TRMT5: variants seen among roughly 807,000 people sequenced by gnomAD.
The protein encoded by TRMT5 is tRNA (guanine(37)-N(1))-methyltransferase.
In TRMT5, 31 loss-of-function variants were observed where a neutral mutation model predicts 42.2. The ratio of observed to expected loss-of-function variants is 0.73; its 90% confidence interval spans 0.55 to 0.99. The LOEUF (loss-of-function observed/expected upper bound fraction) is 0.99. Among genes scored for constraint, TRMT5 ranks in the 50% least tolerant of loss-of-function variants. The pLI is 0.00. For missense variants in TRMT5, 568 were observed against 595.0 expected, an observed-to-expected ratio of 0.95 and a Z score of 0.47; for synonymous variants, 198 against 209.6, an observed-to-expected ratio of 0.94 and a Z score of 0.48.
chr14:60,981,644 G>C (rs1194229899), upstream of TRMT5: 1 of 1,443,510 alleles, frequency 6.9e-7, no homozygotes, highest in South Asian at 1.2e-5. Flanking sequence ...TGGAAGCTGC[G>C]AACATGATGG....
intron 3 of TRMT5, 117 bp downstream of exon 3, chr14:60,977,397 T>C: frequency 9.9e-7 from 1 of 1,009,744 alleles, no homozygotes; most frequent in Non-Finnish European, 1.4e-6. Context: ...ACATAAGTGA[T>C]CACATTCTCA....
chr14:60,975,435 A>T, intron 4 of TRMT5, 40 bp downstream of exon 4: 5 of 1,582,474 alleles, frequency 3.2e-6, no homozygotes, highest in Non-Finnish European at 4.3e-6. Context: ...GTTACAATTG[A>T]ATGGCAAGGT....
chr14:60,980,991 C>T lies in TRMT5; in HGVS notation c.-18G>A. 2 of 1,611,308 alleles carry T rather than the reference C, an allele frequency of 1.2e-6. No individual in the cohort carries two copies. The highest frequency in any genetic ancestry group is 1.3e-5 in the African/African-American group (1 of 75,068). On this transcript the variant is annotated 5_prime_UTR_variant, in exon 1 of 5. Coordinates refer to ENST00000261249, the MANE Select transcript of TRMT5 (RefSeq NM_020810.3). ...AGCACCATTCCAATTCCCCACGTCG[C>T]TCTGCAGCTGGATCCGCGAGCCGAC... is the stretch of plus-strand genomic sequence containing the variant.
chr14:60,979,676 T>A lies in TRMT5; in HGVS notation c.222A>T (p.Ser74=), dbSNP rs372936436. The change falls in exon 2 of 5, where the codon TCA becomes TCT. Residue 74 remains serine (S), a synonymous_variant. Coordinates refer to ENST00000261249, the MANE Select transcript of TRMT5 (RefSeq NM_020810.3). ...TCATGCCTCGGACATCAGAAGGTGG[T>A]GAAAACAATTCAGTCTCTCTCTCAT... The part of the protein sequence containing the change: ...ETHERETELF[S]PPSDVRGMTK... 1 of 1,614,188 alleles carries A rather than the reference T, an allele frequency of 6.2e-7. No homozygotes were observed. The highest frequency in any genetic ancestry group is 1.3e-5 in the African/African-American group (1 of 75,052).
At chr14:60,979,955 C>T in intron 1 of TRMT5, 69 bp from the exon 2 acceptor site, 1 of 1,452,456 alleles carries the variant, frequency 6.9e-7, no homozygotes, top group Non-Finnish European at 9.1e-7. Context: ...TCTACTATCT[C>T]AAATAACGGG....
intron 1 of TRMT5, 76 bp downstream of exon 1, chr14:60,980,887 C>T: frequency 6.2e-7 from 1 of 1,606,488 alleles, no homozygotes; most frequent in Middle Eastern, 1.7e-4. Flanking sequence ...GCCCAGGCAG[C>T]ACATGGCAGA....
Position 60,972,797 on chromosome 14 carries a change from A to AT in TRMT5, c.*2311dup, listed in dbSNP as rs144909865. On this transcript the variant is annotated 3_prime_UTR_variant, in exon 5 of 5. Transcript: ENST00000261249. ...ATTTCATCTTTAAAAATGTCTTCTC[A>AT]TACAGATAGGTATTGCCAAATACTG... is the stretch of plus-strand genomic sequence containing the variant. 1.1e-3 allele frequency: 192 copies of AT among 176,594 alleles called. 1 individual carries two copies. In the East Asian group the frequency reaches 0.024, roughly 22 times the overall value. The allele number at this position is 176,594 out of a possible 1,614,324, so 10.9% of individuals were successfully genotyped here.
At chr14:60,981,222 G>T (rs149521232), upstream of TRMT5, 5,180 of 1,555,722 alleles carry the variant, frequency 3.3e-3, 11 homozygotes, top group Middle Eastern at 8.6e-3. Flanking sequence ...GACGACTGGA[G>T]CGCAGGGCAG....
chr14:60,981,162 G>T, upstream of TRMT5: 1 of 1,537,818 alleles, frequency 6.5e-7, no homozygotes. Flanking sequence ...CCCTGGTGAA[G>T]TACGGAATGC....
rs772546731 is a variant in TRMT5, at chr14:60,975,615, G to A, written c.1304C>T (p.Ala435Val). 1 of 1,614,134 alleles carries A rather than the reference G, an allele frequency of 6.2e-7. No homozygotes were observed. Among genetic ancestry groups the A allele is most frequent in the South Asian group, 1.1e-5 (1 of 91,082 alleles). Residue 435 changes from alanine (A) to valine (V), a missense_variant, in exon 4 of 5, where the codon GCT becomes GTT. Transcript: ENST00000261249. ...CAGAGAAATGCCTAACACAGCTCCA[G>A]CCCTTTGCCGAACATCCTCAGCAGG... ...ANPAEDVRQR[A>V]GAVLGISLEA...
intron 2 of TRMT5, among the ~76,000 whole-genome samples, chr14:60,978,157 TAC>T (rs1313376314): frequency 3.3e-5 from 5 of 152,198 alleles, no homozygotes; most frequent in Non-Finnish European, 5.9e-5. Context: ...ATAGATTATT[TAC>T]AGTCCTATCT....
upstream of TRMT5, chr14:60,981,477 A>G: frequency 1.9e-6 from 3 of 1,539,654 alleles, no homozygotes; most frequent in Non-Finnish European, 2.6e-6. Context: ...CCGCACCGGG[A>G]CAGGGGAGAT....
At chr14:60,979,908 TTC>T in intron 1 of TRMT5, 22 bp from the exon 2 acceptor site, 1 of 1,142,864 alleles carries the variant, frequency 8.7e-7, no homozygotes, top group African/African-American at 1.6e-5. Flanking sequence ...AAAAAAAAAA[TTC>T]ACACACGACA....
Position 60,980,956 on chromosome 14 carries a change from A to T in TRMT5, c.11+7T>A, listed in dbSNP as rs762243060. 1 of 1,612,312 alleles carries T rather than the reference A, an allele frequency of 6.2e-7. No individual in the cohort carries two copies. Among genetic ancestry groups the T allele is most frequent in the African/African-American group, 1.3e-5 (1 of 74,900 alleles). ...ACCATTAGCCCCTAACGCGGCCGCC[A>T]CCTCACCAAAGCACCATTCCAATTC... On this transcript the variant is annotated splice_region_variant and intron_variant, in intron 1 of 4. Transcript: ENST00000261249.
At position 60,980,142 on chromosome 14, in the gene TRMT5, T is replaced by C. The variant is rs2036926305; in HGVS notation, c.12-256A>G. Among the ~76,000 whole-genome samples the C allele has an allele frequency of 3.3e-5, 5 of 152,318 alleles. No individual in the cohort carries two copies. In the South Asian group the frequency reaches 1.0e-3, roughly 32 times the overall value. On this transcript the variant is annotated intron_variant, in intron 1 of 4. Transcript: ENST00000261249. ...GGGCTTAGTGATCCATTAGCCATAC[T>C]CAATGATCCTCTTCACCCACAATTT...
In TRMT5 at chr14:60,974,261, A is replaced by G. The variant is rs1005577277; in HGVS notation, c.*848T>C. On this transcript the variant is annotated 3_prime_UTR_variant, in exon 5 of 5. Transcript: ENST00000261249. ...ATGTGTCAAACAGCAGTGTGAAGTG[A>G]TGACAGTCACATTCAGTGTGTGTTG... 4 of 152,252 alleles carry G rather than the reference A, an allele frequency of 2.6e-5. No individual in the cohort carries two copies. Among genetic ancestry groups the G allele is most frequent in the Admixed American group, 6.5e-5 (1 of 15,274 alleles). 9.4% of individuals were successfully genotyped at this position (152,252 alleles called of 1,614,324 possible).
At position 60,972,827 on chromosome 14, in the gene TRMT5, C is replaced by A. The variant is rs928224670; in HGVS notation, c.*2282G>T. The A allele has an allele frequency of 8.6e-5, 14 of 162,562 alleles. No homozygotes were observed. Among genetic ancestry groups the A allele is most frequent in the Admixed American group, 1.8e-4 (3 of 16,574 alleles). The allele number at this position is 162,562 out of a possible 1,614,324, so 10.1% of individuals were successfully genotyped here. A position where few individuals can be genotyped will look rare whatever the true frequency, so the allele number is the denominator to read the frequency against. ...GATAGGTATTGCCAAATACTGCTAT[C>A]AATCCAGGAGCATATGAAATTAACT... On this transcript the variant is annotated 3_prime_UTR_variant, in exon 5 of 5. Coordinates refer to ENST00000261249, the MANE Select transcript of TRMT5 (RefSeq NM_020810.3).
In TRMT5 at chr14:60,975,846, T is replaced by C. The variant is rs1237571279; in HGVS notation, c.1073A>G (p.Asp358Gly). The C allele has an allele frequency of 6.2e-7, 1 of 1,614,234 alleles. No individual in the cohort carries two copies. Among genetic ancestry groups the C allele is most frequent in the Admixed American group, 1.7e-5 (1 of 60,030 alleles). Residue 358 changes from aspartate to glycine, a missense_variant, in exon 4 of 5, where the codon GAC becomes GGC. Physicochemically the swap from Asp to Gly is moderately conservative, Grantham distance 94. Coordinates refer to ENST00000261249, the MANE Select transcript of TRMT5 (RefSeq NM_020810.3). ...TTCTTTGACTGGTCCTTGGAGGAAG[T>C]CTTTCCCATCCAAGTTGAAGACTTT... ...KVKVFNLDGK[D>G]FLQGPVKEEL...
intron 3 of TRMT5, among the ~76,000 whole-genome samples, chr14:60,976,438 T>G (rs2296927): frequency 0.91 from 137,871 of 152,244 alleles, 63,124 homozygotes; most frequent in Non-Finnish European, 0.99. Flanking sequence ...TGAGGAATTT[T>G]TCAGACAGGC....
Sources: allele counts gnomAD v4.1 joint callset (sites outside exome capture counted in the v4.1 genomes callset), GRCh38; gene constraint gnomAD v4.1.1; transcripts MANE v1.5; gene names NCBI Gene and HGNC (gene_info 2026-07-23, HGNC 2026-07-21).